The following PCLO variants were observed in gnomAD, a reference collection of about 807,000 sequenced individuals.
PCLO encodes the protein piccolo presynaptic cytomatrix protein.
PCLO carries 82 observed loss-of-function variants against 427.5 expected under a neutral mutation model. The ratio of observed to expected loss-of-function variants is 0.19; its 90% confidence interval spans 0.16 to 0.23. The LOEUF is 0.23. Ranked by LOEUF, PCLO falls within the 10% of genes least tolerant of loss-of-function variation. The pLI is 1.00. For missense variants in PCLO, 6,239 were observed against 6,115.9 expected (o/e 1.02, Z -0.67); for synonymous variants, 2,357 against 2,155.4 (o/e 1.09, Z -2.59).
intron 3 of PCLO, among the ~76,000 whole-genome samples, chr7:83,091,638 T>C (rs990158581): frequency 6.6e-6 from 1 of 152,178 alleles, no homozygotes; most frequent in Admixed American, 6.5e-5. Flanking sequence ...TCTTCATCTT[T>C]TTCCCCACAT....
chr7:82,950,015 A>T lies in PCLO; in HGVS notation c.10573T>A (p.Ser3525Thr), dbSNP rs754868630. The T allele has an allele frequency of 1.2e-5, 19 of 1,613,046 alleles. No homozygotes were observed. Among genetic ancestry groups the T allele is most frequent in the Non-Finnish European group, 1.6e-5 (19 of 1,179,752 alleles). The change falls in exon 6 of 25, where the codon TCT (serine) becomes ACT (threonine). Residue 3525 changes from serine (S) to threonine (T), a missense_variant. Ser to Thr is a moderately conservative substitution (Grantham distance 58). This residue lies in a region of PCLO where 4,677 missense variants were observed against 4,468.4 expected (regional missense o/e 1.05). Coordinates refer to ENST00000333891, the MANE Select transcript of PCLO (RefSeq NM_033026.6). ...SIAVQTVAEI[S>T]VQTEPVGTIR... ...GTTCCAACTGGTTCAGTTTGCACAG[A>T]TATCTCTGCTACCGTTTGAACTGCT... is the stretch of plus-strand genomic sequence containing the variant.
At chr7:82,994,780 T>A (rs923596546) in intron 3 of PCLO, among the ~76,000 whole-genome samples, 1 of 151,852 alleles carries the variant, frequency 6.6e-6, no homozygotes, top group South Asian at 2.1e-4. Flanking sequence ...CAAAGTGCTA[T>A]AGATCAGGTG....
Position 82,955,302 on chromosome 7 carries a change from T to C in PCLO, c.5651A>G (p.Tyr1884Cys), listed in dbSNP as rs1171102408. The C allele has an allele frequency of 1.2e-6, 2 of 1,613,354 alleles. No homozygotes were observed. Among genetic ancestry groups the C allele is most frequent in the African/African-American group, 2.7e-5 (2 of 74,850 alleles). The change falls in exon 5 of 25, where the codon TAT becomes TGT. Residue 1884 changes from tyrosine to cysteine, a missense_variant. By Grantham distance (194) the Tyr-to-Cys change is radical (BLOSUM62 -2). Transcript: ENST00000333891. ...TAATGAAACAGCTGTGGGCAATTTA[T>C]AAACTTTTTGTACTTCTATTATTTT... ...PEKIIEVQKV[Y>C]KLPTAVSLYS...
chr7:83,024,967 C>A (rs1345269309), intron 3 of PCLO, among the ~76,000 whole-genome samples: 2 of 152,158 alleles, frequency 1.3e-5, no homozygotes, highest in African/African-American at 4.8e-5. Flanking sequence ...TCACCATCAT[C>A]AAAGACCAAA....
At position 82,955,649 on chromosome 7, in the gene PCLO, A is replaced by G. The variant is rs768398690; in HGVS notation, c.5304T>C (p.Pro1768=). The change falls in exon 5 of 25, where the codon CCT becomes CCC. Residue 1768 remains proline (P), a synonymous_variant. Coordinates refer to ENST00000333891, the MANE Select transcript of PCLO (RefSeq NM_033026.6). The stretch of plus-strand genomic sequence containing the variant: ...CTTCCTCTGAAGAATCTTCAATAGT[A>G]GGCAAAAGAGGGCCATGTGGTCTGT... ...ARHRPHGPLL[P]TIEDSSEEEE... The G allele has an allele frequency of 1.9e-6, 3 of 1,613,794 alleles. No individual in the cohort carries two copies. The highest frequency in any genetic ancestry group is 2.2e-5 in the South Asian group (2 of 91,084).
intron 6 of PCLO, among the ~76,000 whole-genome samples, chr7:82,921,922 G>A (rs550563625): frequency 6.6e-6 from 1 of 151,588 alleles, no homozygotes; most frequent in Admixed American, 6.6e-5. Context: ...TGGTCAAAGG[G>A]CATAAGTAGA....
intron 3 of PCLO, among the ~76,000 whole-genome samples, chr7:83,025,414 A>T (rs1182906082): frequency 6.6e-6 from 1 of 150,422 alleles, no homozygotes; most frequent in African/African-American, 2.4e-5. Context: ...AAAAAGAATA[A>T]AAAGAAATGA....
intron 22 of PCLO, among the ~76,000 whole-genome samples, chr7:82,798,526 C>G (rs919171934): frequency 6.6e-6 from 1 of 152,128 alleles, no homozygotes; most frequent in Non-Finnish European, 1.5e-5. Flanking sequence ...CATATTTCTA[C>G]GTGGACAAAA....
intron 3 of PCLO, among the ~76,000 whole-genome samples, chr7:83,074,120 A>G (rs1789888842): frequency 6.6e-6 from 1 of 152,062 alleles, no homozygotes; most frequent in African/African-American, 2.4e-5. Context: ...GAATTTCAAG[A>G]CAACTCATTA....
At chr7:83,071,890 AC>A (rs1276883773) in intron 3 of PCLO, among the ~76,000 whole-genome samples, 12 of 152,164 alleles carry the variant, frequency 7.9e-5, no homozygotes, top group Non-Finnish European at 1.5e-4. Context: ...ACTTTAGAGT[AC>A]AATTCTGCTT....
intron 3 of PCLO, among the ~76,000 whole-genome samples, chr7:83,080,460 G>A (rs1562953914): frequency 6.6e-6 from 1 of 152,074 alleles, no homozygotes; most frequent in African/African-American, 2.4e-5. Context: ...GCATTTAAGA[G>A]AGGATTTTTT....
chr7:82,834,954 TTG>T (rs774748295), intron 16 of PCLO, among the ~76,000 whole-genome samples: 153 of 123,856 alleles, frequency 1.2e-3, no homozygotes, highest in South Asian at 4.9e-3. Flanking sequence ...ATCTTTTTTT[TTG>T]TTTGTTTGTT....
At chr7:82,964,689 G>A (rs545251948) in intron 4 of PCLO, among the ~76,000 whole-genome samples, 1 of 152,284 alleles carries the variant, frequency 6.6e-6, no homozygotes, top group African/African-American at 2.4e-5. Flanking sequence ...GCTCTGCAAA[G>A]GTTAGCTGGA....
chr7:83,132,420 CAT>C (rs1427220903), intron 3 of PCLO, among the ~76,000 whole-genome samples: 9 of 152,244 alleles, frequency 5.9e-5, no homozygotes, highest in South Asian at 2.1e-4. Flanking sequence ...AAATTCCACA[CAT>C]GTCCTTTGTA....
At chr7:82,980,475 C>T (rs1403369999) in intron 3 of PCLO, among the ~76,000 whole-genome samples, 1 of 152,158 alleles carries the variant, frequency 6.6e-6, no homozygotes, top group East Asian at 1.9e-4. Context: ...CATGATTGAG[C>T]CTGTCATCTT....
chr7:82,885,789 GA>G lies in PCLO; in HGVS notation c.13529-6328del, dbSNP rs552464459. On this transcript the variant is annotated intron_variant, in intron 9 of 24. Coordinates refer to ENST00000333891, the MANE Select transcript of PCLO (RefSeq NM_033026.6). ...GGATTTTAAAATAAAAGAGCAAATG[GA>G]AAAAAAAAAAAGCCCTGCATTTTGC... is the stretch of plus-strand genomic sequence containing the variant. 4.4e-3 allele frequency among the ~76,000 whole-genome samples: 609 copies of G among 138,820 alleles called. 2 individuals are homozygous for G. The highest frequency in any genetic ancestry group is 6.6e-3 in the Non-Finnish European group (416 of 62,910). 91.1% of individuals were successfully genotyped at this position (138,820 alleles called of 152,430 possible).
intron 6 of PCLO, among the ~76,000 whole-genome samples, chr7:82,928,035 C>T (rs566319935): frequency 3.9e-5 from 6 of 152,178 alleles, no homozygotes; most frequent in Non-Finnish European, 5.9e-5. Context: ...TCCTCACATG[C>T]ATGGGCTAAT....
chr7:83,135,514 G>C lies in PCLO; in HGVS notation c.2036C>G (p.Pro679Arg). The C allele has an allele frequency of 6.2e-7, 1 of 1,613,708 alleles. No homozygotes were observed. Among genetic ancestry groups the C allele is most frequent in the South Asian group, 1.1e-5 (1 of 91,062 alleles). ...ATCCTTCTTTGGGGAAGTCTGCTGT[G>C]GCTGTGGGGATGATTTGCTCACTGC... ...TSAVSKSSPQ[P>R]QQTSPKKDAA... The change falls in exon 3 of 25, where the codon CCA becomes CGA. Residue 679 changes from proline (P) to arginine (R), a missense_variant. Pro to Arg is a moderately radical substitution (Grantham distance 103, BLOSUM62 -2). Transcript: ENST00000333891.
At chr7:83,160,446 T>C (rs1187561715) in intron 1 of PCLO, among the ~76,000 whole-genome samples, 1 of 152,164 alleles carries the variant, frequency 6.6e-6, no homozygotes, top group East Asian at 1.9e-4. Flanking sequence ...AAATGTTTCT[T>C]TGGTAACCAT....
Sources: allele counts gnomAD v4.1 joint callset (sites outside exome capture counted in the v4.1 genomes callset), GRCh38; gene constraint gnomAD v4.1.1; regional missense constraint gnomAD v4.1.1; transcripts MANE v1.5; gene names NCBI Gene and HGNC (gene_info 2026-07-23, HGNC 2026-07-21).